Variants in KIF6 observed in about 807,000 individuals in gnomAD.
KIF6 encodes kinesin-like protein KIF6.
A neutral mutation model predicts 112.7 loss-of-function variants in KIF6; 106 were observed. That is an observed-to-expected ratio of 0.94 (90% CI 0.80 to 1.11). The LOEUF (loss-of-function observed/expected upper bound fraction) is 1.11, where lower values mean the gene tolerates loss of function less well. Ranked by LOEUF, KIF6 falls within the 50% of genes least tolerant of loss-of-function variation. KIF6 has a pLI of 0.00. For missense variants in KIF6, 929 were observed against 964.0 expected (o/e 0.96, Z 0.48); for synonymous variants, 339 against 339.9 (o/e 1.00, Z 0.03).
intron 3 of KIF6, among the ~76,000 whole-genome samples, chr6:39,675,180 C>T (rs1787058682): frequency 6.6e-6 from 1 of 152,108 alleles, no homozygotes; most frequent in Non-Finnish European, 1.5e-5. Context: ...CTGGGGCACA[C>T]ATAGGAGTGT....
intron 13 of KIF6, among the ~76,000 whole-genome samples, chr6:39,509,076 T>C (rs1776614055): frequency 6.6e-6 from 1 of 152,138 alleles, no homozygotes; most frequent in Admixed American, 6.5e-5. Context: ...CCGCTGATGA[T>C]ACCCAGGCAA....
Position 39,639,591 on chromosome 6 carries a change from T to C in KIF6, c.399+19A>G, listed in dbSNP as rs749409370. On this transcript the variant is annotated intron_variant, in intron 4 of 22. Transcript: ENST00000287152. ...TGAATATATCAAATACAAAATGATATGAACGAAAAGTTTCATACCTTTTGT... is the reference window on the plus strand; with the variant it reads ...TGAATATATCAAATACAAAATGATACGAACGAAAAGTTTCATACCTTTTGT... The C allele has an allele frequency of 1.3e-6, 2 of 1,532,104 alleles. No homozygotes were observed. The highest frequency in any genetic ancestry group is 1.4e-5 in the African/African-American group (1 of 71,130). The allele number at this position is 1,532,104 out of a possible 1,614,324, so 94.9% of individuals were successfully genotyped here.
chr6:39,588,617 T>A (rs904655227), intron 7 of KIF6, among the ~76,000 whole-genome samples: 8 of 152,134 alleles, frequency 5.3e-5, no homozygotes, highest in African/African-American at 1.9e-4. Flanking sequence ...ACTCTACATC[T>A]CCATCTGGAT....
rs1762776838 is a variant in KIF6, at chr6:39,332,438, G to A, written c.*4094C>T. 1 of 152,138 alleles carries A rather than the reference G, an allele frequency of 6.6e-6. No homozygotes were observed. The highest frequency in any genetic ancestry group is 2.4e-5 in the African/African-American group (1 of 41,408). The allele number at this position is 152,138 out of a possible 1,614,324, so 9.4% of individuals were successfully genotyped here. A position where few individuals can be genotyped will look rare whatever the true frequency, so the allele number is the denominator to read the frequency against. ...GTTTTGGGACTCATTGAAGTTACTT[G>A]GAAACTTACTGGAAACAATTTGACT... On this transcript the variant is annotated 3_prime_UTR_variant, in exon 23 of 23. Coordinates refer to ENST00000287152, the MANE Select transcript of KIF6 (RefSeq NM_145027.6).
chr6:39,518,355 A>G (rs1455851541), intron 13 of KIF6, among the ~76,000 whole-genome samples: 1 of 152,194 alleles, frequency 6.6e-6, no homozygotes, highest in Non-Finnish European at 1.5e-5. Context: ...GACTGAAGCA[A>G]TTTAGAGTTA....
intron 13 of KIF6, among the ~76,000 whole-genome samples, chr6:39,439,176 C>T (rs142148129): frequency 2.9e-4 from 44 of 152,282 alleles, no homozygotes; most frequent in African/African-American, 9.9e-4. Context: ...TATTTCAGTG[C>T]TAGCAAAGAA....
At chr6:39,385,476 G>T in intron 16 of KIF6, 146 bp downstream of exon 16, 1 of 665,232 alleles carries the variant, frequency 1.5e-6, no homozygotes, top group East Asian at 2.7e-5. Flanking sequence ...GGGCATCCAA[G>T]GAAAGCTGTG....
chr6:39,632,439 T>G (rs536699655), intron 5 of KIF6, among the ~76,000 whole-genome samples: 2 of 152,268 alleles, frequency 1.3e-5, no homozygotes, highest in South Asian at 4.1e-4. Flanking sequence ...TTGCCTACTA[T>G]GTTTAGAAGG....
intron 3 of KIF6, among the ~76,000 whole-genome samples, chr6:39,694,657 G>C (rs184418613): frequency 3.3e-5 from 5 of 152,238 alleles, no homozygotes; most frequent in African/African-American, 1.2e-4. Context: ...ACTGCTGAAA[G>C]AAATCATAGG....
At chr6:39,383,675 GT>G (rs961349004) in intron 16 of KIF6, among the ~76,000 whole-genome samples, 19 of 151,594 alleles carry the variant, frequency 1.3e-4, no homozygotes, top group East Asian at 3.9e-4. Flanking sequence ...TTTTAGAATA[GT>G]TTTTTTTTCT....
At chr6:39,670,588 T>C (rs1395393611) in intron 3 of KIF6, among the ~76,000 whole-genome samples, 1 of 152,102 alleles carries the variant, frequency 6.6e-6, no homozygotes, top group East Asian at 1.9e-4. Context: ...AGAGGTGGCA[T>C]TGGTTTTGCA....
intron 10 of KIF6, among the ~76,000 whole-genome samples, chr6:39,569,649 A>G (rs1398148736): frequency 6.6e-6 from 1 of 152,222 alleles, no homozygotes; most frequent in African/African-American, 2.4e-5. Flanking sequence ...AAAGGATGAA[A>G]GCATTGATGG....
intron 10 of KIF6, among the ~76,000 whole-genome samples, chr6:39,547,437 C>T (rs1244732039): frequency 6.6e-6 from 1 of 152,126 alleles, no homozygotes; most frequent in East Asian, 1.9e-4. Context: ...ATTCCTGATA[C>T]ATTTTTTAAA....
At chr6:39,627,995 T>C (rs1784173703) in intron 5 of KIF6, among the ~76,000 whole-genome samples, 4 of 152,202 alleles carry the variant, frequency 2.6e-5, no homozygotes, top group Admixed American at 2.0e-4. Context: ...CACATATGTG[T>C]GTATATGCAT....
rs1258761315 is a variant in KIF6 at position 39,390,048 on chromosome 6, A to AAAAAAAAAAAAAAG, written c.1811-4377_1811-4376insCTTTTTTTTTTTTT. ...TCTGTCTCCAAAAAAAAAAAAAAAAAAAAAGGAAATAATTACAAATCTGGA... is the reference window on the plus strand; with the variant it reads ...TCTGTCTCCAAAAAAAAAAAAAAAAAAAAAAAAAAAAAAGAAAAGGAAATAATTACAAATCTGGA... On this transcript the variant is annotated intron_variant, in intron 15 of 22. Coordinates refer to ENST00000287152, the MANE Select transcript of KIF6 (RefSeq NM_145027.6). 2.4e-3 allele frequency among the ~76,000 whole-genome samples: 332 copies of AAAAAAAAAAAAAAG among 137,224 alleles called. 19 individuals carry two copies. The highest frequency in any genetic ancestry group is 8.6e-3 in the African/African-American group (278 of 32,352). The allele number at this position is 137,224 out of a possible 152,430, so 90.0% of individuals were successfully genotyped here.
At chr6:39,602,961 T>C (rs561600768) in intron 6 of KIF6, among the ~76,000 whole-genome samples, 6 of 152,218 alleles carry the variant, frequency 3.9e-5, no homozygotes, top group Non-Finnish European at 7.3e-5. Flanking sequence ...TTTGCGCATA[T>C]AGACAGTCAT....
intron 6 of KIF6, among the ~76,000 whole-genome samples, chr6:39,601,994 A>C (rs1201465890): frequency 2.6e-5 from 4 of 152,256 alleles, no homozygotes; most frequent in Non-Finnish European, 1.5e-5. Context: ...AAGTACTTTT[A>C]TTACCTTCAA....
intron 13 of KIF6, among the ~76,000 whole-genome samples, chr6:39,464,416 G>A (rs1773667864): frequency 6.6e-6 from 1 of 152,210 alleles, no homozygotes; most frequent in Admixed American, 6.5e-5. Context: ...TTAGATCAAT[G>A]TCTGCTTTAG....
intron 3 of KIF6, among the ~76,000 whole-genome samples, chr6:39,687,128 A>C (rs943417804): frequency 2.6e-5 from 4 of 152,290 alleles, no homozygotes; most frequent in Non-Finnish European, 4.4e-5. Context: ...ACACAAGCCC[A>C]AGAGGATGGA....
Sources: allele counts gnomAD v4.1 joint callset (sites outside exome capture counted in the v4.1 genomes callset), GRCh38; gene constraint gnomAD v4.1.1; transcripts MANE v1.5; gene names NCBI Gene and HGNC (gene_info 2026-07-23, HGNC 2026-07-21).